Variants in PRKN observed in about 807,000 individuals in gnomAD.
PRKN encodes the protein E3 ubiquitin-protein ligase parkin.
In PRKN, 56 loss-of-function variants were observed where a neutral mutation model predicts 59.5. The observed-to-expected ratio is 0.94, with a 90% CI of 0.76 to 1.18. PRKN has a LOEUF of 1.18. PRKN is among the 50% of genes most tolerant of loss of function. The pLI, the probability that PRKN is intolerant of heterozygous loss-of-function variation, is 0.00. For synonymous variants in PRKN, 250 were observed against 222.1 expected, an observed-to-expected ratio of 1.13 and a Z score of -1.12; for missense variants, 657 against 596.4, an observed-to-expected ratio of 1.10 and a Z score of -1.06.
chr6:162,196,955 A>C (rs1472214747), intron 4 of PRKN, among the ~76,000 whole-genome samples: 1 of 152,190 alleles, frequency 6.6e-6, no homozygotes, highest in African/African-American at 2.4e-5. Context: ...GATTTTTCCA[A>C]ATGAGAAAAA....
intron 3 of PRKN, among the ~76,000 whole-genome samples, chr6:162,212,754 C>G (rs567526431): frequency 7.2e-5 from 11 of 152,318 alleles, no homozygotes; most frequent in Admixed American, 5.9e-4. Context: ...TCACCTAGTA[C>G]ACAGCTGGGC....
chr6:162,442,546 C>T (rs1439785590), intron 2 of PRKN, among the ~76,000 whole-genome samples: 1 of 152,190 alleles, frequency 6.6e-6, no homozygotes, highest in Non-Finnish European at 1.5e-5. Flanking sequence ...ACCAGTCCCC[C>T]TAATTCCTAC....
chr6:161,742,120 C>T (rs1583086482), intron 7 of PRKN, among the ~76,000 whole-genome samples: 3 of 152,256 alleles, frequency 2.0e-5, no homozygotes, highest in South Asian at 2.1e-4. Context: ...CAGGCGTGCA[C>T]CACCATTCCC....
intron 7 of PRKN, among the ~76,000 whole-genome samples, chr6:161,689,771 C>T (rs979886228): frequency 6.6e-6 from 1 of 151,996 alleles, no homozygotes; most frequent in African/African-American, 2.4e-5. Context: ...AGTACAGTGG[C>T]GCGATCTTGG....
chr6:162,054,019 A>C, intron 5 of PRKN, 72 bp downstream of exon 5: 1 of 998,250 alleles, frequency 1.0e-6, no homozygotes, highest in East Asian at 2.4e-5. Context: ...TTTTGTCTCT[A>C]ATTTCCTGGC....
At chr6:162,123,503 T>C (rs1050415949) in intron 4 of PRKN, among the ~76,000 whole-genome samples, 4 of 152,210 alleles carry the variant, frequency 2.6e-5, no homozygotes, top group African/African-American at 9.6e-5. Flanking sequence ...ACTTATATGT[T>C]TGTAATTTTG....
At chr6:162,080,441 C>T (rs1020047288) in intron 4 of PRKN, among the ~76,000 whole-genome samples, 4 of 152,066 alleles carry the variant, frequency 2.6e-5, no homozygotes, top group South Asian at 2.1e-4. Flanking sequence ...AGTTACAGAT[C>T]ACTGCAATAA....
At chr6:162,135,798 T>C (rs1425061175) in intron 4 of PRKN, among the ~76,000 whole-genome samples, 2 of 152,156 alleles carry the variant, frequency 1.3e-5, no homozygotes. Context: ...TTTTCTGACA[T>C]TACTGATCAT....
intron 9 of PRKN, among the ~76,000 whole-genome samples, chr6:161,536,107 G>T (rs1779404734): frequency 6.6e-6 from 1 of 152,000 alleles, no homozygotes; most frequent in Non-Finnish European, 1.5e-5. Context: ...CTTAGTAAAT[G>T]AATTCCTTTG....
chr6:162,404,216 C>T lies in PRKN; in HGVS notation c.171+39094G>A, dbSNP rs150363819. 1.3e-3 allele frequency among the ~76,000 whole-genome samples: 204 copies of T among 151,728 alleles called. 1 individual carries two copies. The highest frequency in any genetic ancestry group is 4.7e-3 in the African/African-American group (193 of 41,398). On this transcript the variant is annotated intron_variant, in intron 2 of 11. Coordinates refer to ENST00000366898, the MANE Select transcript of PRKN (RefSeq NM_004562.3). ...GAAACCCCCATCTCTACTAAAAATA[C>T]AAAAATTAGCCGATGTGGTGGCATG...
Position 161,461,549 on chromosome 6 carries a change from G to C in PRKN, c.1084-74672C>G, listed in dbSNP as rs952199240. Among the ~76,000 whole-genome samples the C allele has an allele frequency of 3.3e-5, 5 of 152,134 alleles. No individual in the cohort carries two copies. The highest frequency in any genetic ancestry group is 1.2e-4 in the African/African-American group (5 of 41,426). On this transcript the variant is annotated intron_variant, in intron 9 of 11. Transcript: ENST00000366898. The surrounding 1 kb of genome is among the most constrained non-coding windows in gnomAD (Gnocchi z 5.1). ...GTGGGGACCCTGAGTTAATAGGAAA[G>C]AGGAGGTGGATGCAGGAATCACTGG...
chr6:161,501,531 G>A (rs1256068457), intron 9 of PRKN, among the ~76,000 whole-genome samples: 3 of 151,716 alleles, frequency 2.0e-5, no homozygotes, highest in African/African-American at 4.8e-5. Flanking sequence ...CCCTTTATCC[G>A]ATAGGTCTTT....
intron 1 of PRKN, among the ~76,000 whole-genome samples, chr6:162,563,226 C>T (rs2803065): frequency 0.26 from 38,932 of 151,844 alleles, 6,090 homozygotes; most frequent in Non-Finnish European, 0.36. Flanking sequence ...ATGGCGTGAA[C>T]CCAGGAGGCG....
chr6:161,854,827 G>A (rs1038872410), intron 6 of PRKN, among the ~76,000 whole-genome samples: 1 of 152,078 alleles, frequency 6.6e-6, no homozygotes, highest in Non-Finnish European at 1.5e-5. Flanking sequence ...GCTCATGCCT[G>A]TAATCCCAGC....
chr6:162,090,437 A>G (rs528885823), intron 4 of PRKN, among the ~76,000 whole-genome samples: 1 of 152,330 alleles, frequency 6.6e-6, no homozygotes, highest in African/African-American at 2.4e-5. Flanking sequence ...TAAAAAAGCA[A>G]TTAAATTAGG....
rs182277428 is a variant in PRKN at position 162,060,279 on chromosome 6, G to A, written c.535-6105C>T. 3.0e-4 allele frequency among the ~76,000 whole-genome samples: 45 copies of A among 152,280 alleles called. 1 individual carries two copies. Among genetic ancestry groups the A allele is most frequent in the Admixed American group, 2.4e-3 (36 of 15,286 alleles). On this transcript the variant is annotated intron_variant, in intron 4 of 11. Transcript: ENST00000366898. ...TTAGTGCTGTTGACCTGAGAATTCC[G>A]AGAAGACGGTGATAGAGAAGCAGCA...
chr6:161,649,092 A>G (rs1228472734), intron 7 of PRKN, among the ~76,000 whole-genome samples: 1 of 152,210 alleles, frequency 6.6e-6, no homozygotes, highest in African/African-American at 2.4e-5. Context: ...AAGCATTGCT[A>G]CATTTGTCAA....
In PRKN at chr6:162,481,714, T is replaced by C. The variant is rs560534855; in HGVS notation, c.8-38241A>G. Among the ~76,000 whole-genome samples the C allele has an allele frequency of 4.5e-4, 69 of 152,296 alleles. 1 individual carries two copies. Among genetic ancestry groups the C allele is most frequent in the African/African-American group, 1.5e-3 (64 of 41,564 alleles). ...AGATCATACCATTGATTAACTAAAA[T>C]ATTTTTTTTTCAAATGACGGCTGAT... On this transcript the variant is annotated intron_variant, in intron 1 of 11. Coordinates refer to ENST00000366898, the MANE Select transcript of PRKN (RefSeq NM_004562.3).
intron 9 of PRKN, among the ~76,000 whole-genome samples, chr6:161,485,758 G>T (rs1235454519): frequency 1.3e-5 from 2 of 151,602 alleles, no homozygotes; most frequent in Non-Finnish European, 2.9e-5. Context: ...GACTGAACTG[G>T]GATAATCTGG....
Sources: allele counts gnomAD v4.1 joint callset (sites outside exome capture counted in the v4.1 genomes callset), GRCh38; gene constraint gnomAD v4.1.1; non-coding constraint Gnocchi (gnomAD v3.1); transcripts MANE v1.5; gene names NCBI Gene and HGNC (gene_info 2026-07-23, HGNC 2026-07-21).